Variants in R3HCC1L observed in about 807,000 individuals in gnomAD.
R3HCC1L encodes R3H domain and coiled-coil containing 1 like.
Under a neutral mutation model 59.9 loss-of-function variants are expected in R3HCC1L, and 51 were observed. The ratio of observed to expected loss-of-function variants is 0.85; its 90% CI spans 0.68 to 1.07. The LOEUF is 1.07. Ranked by LOEUF, R3HCC1L falls within the 50% of genes least tolerant of loss-of-function variation. The pLI is 0.00. For synonymous variants in R3HCC1L, 322 were observed against 315.2 expected (o/e 1.02, Z -0.23); for missense variants, 965 against 933.0 (o/e 1.03, Z -0.45).
chr10:98,208,066 T>A (rs1275905250), intron 4 of R3HCC1L, 35 bp from the exon 5 acceptor site: 1 of 1,532,386 alleles, frequency 6.5e-7, no homozygotes, highest in East Asian at 2.3e-5. Flanking sequence ...ACATTGTAAT[T>A]AGTGTCTAAT....
intron 1 of R3HCC1L, among the ~76,000 whole-genome samples, chr10:98,145,677 C>T (rs1353658576): frequency 2.0e-5 from 3 of 152,168 alleles, no homozygotes; most frequent in Admixed American, 6.5e-5. Context: ...TCTCGCTGGG[C>T]GCGGTGGCCC....
chr10:98,240,656 C>A (rs1037260952), intron 9 of R3HCC1L, among the ~76,000 whole-genome samples: 4 of 152,330 alleles, frequency 2.6e-5, no homozygotes, highest in Admixed American at 6.5e-5. Context: ...AATCACAGTT[C>A]ATACCTTCTG....
intron 5 of R3HCC1L, among the ~76,000 whole-genome samples, chr10:98,230,055 G>C (rs558412271): frequency 6.6e-6 from 1 of 152,046 alleles, no homozygotes; most frequent in East Asian, 1.9e-4. Flanking sequence ...TTTTTGTTGT[G>C]TCTCTGCCAG....
intron 5 of R3HCC1L, among the ~76,000 whole-genome samples, chr10:98,218,946 C>CT (rs1854547292): frequency 2.0e-5 from 3 of 152,114 alleles, no homozygotes; most frequent in African/African-American, 7.2e-5. Context: ...TTTGGAAACT[C>CT]TGTCTCCCAG....
chr10:98,154,892 T>C (rs1846684245), intron 1 of R3HCC1L, among the ~76,000 whole-genome samples: 1 of 152,222 alleles, frequency 6.6e-6, no homozygotes, highest in African/African-American at 2.4e-5. Context: ...CCTTGCTTAA[T>C]TAGGATTATC....
chr10:98,171,356 G>T (rs550061174), intron 4 of R3HCC1L, among the ~76,000 whole-genome samples: 1 of 152,278 alleles, frequency 6.6e-6, no homozygotes, highest in South Asian at 2.1e-4. Context: ...GAAGGGCAGT[G>T]CTATTCTTAA....
chr10:98,233,846 T>C (rs1036918284), intron 6 of R3HCC1L, among the ~76,000 whole-genome samples: 2 of 152,164 alleles, frequency 1.3e-5, no homozygotes, highest in African/African-American at 4.8e-5. Flanking sequence ...TCTTTCTAAT[T>C]TTTTCTTATT....
chr10:98,139,100 C>A (rs1394459551), intron 1 of R3HCC1L, among the ~76,000 whole-genome samples: 1 of 152,100 alleles, frequency 6.6e-6, no homozygotes, highest in African/African-American at 2.4e-5. Flanking sequence ...TAGAAACACA[C>A]AGCAAAGCTA....
chr10:98,162,672 TTGTGTGTGTG>T (rs138697556), intron 2 of R3HCC1L, among the ~76,000 whole-genome samples: 5 of 148,030 alleles, frequency 3.4e-5, no homozygotes, highest in Non-Finnish European at 7.5e-5. Context: ...GTGTGTGTGT[TTGTGTGTGTG>T]TGTGTGTGTG....
At chr10:98,172,281 C>A (rs1343617629) in intron 4 of R3HCC1L, among the ~76,000 whole-genome samples, 1 of 152,174 alleles carries the variant, frequency 6.6e-6, no homozygotes, top group Non-Finnish European at 1.5e-5. Flanking sequence ...GGCAAACTAG[C>A]TTTTCAAGTA....
At chr10:98,230,479 A>T (rs981026814) in intron 5 of R3HCC1L, among the ~76,000 whole-genome samples, 6 of 151,738 alleles carry the variant, frequency 4.0e-5, no homozygotes, top group Admixed American at 1.3e-4. Flanking sequence ...CTTCTTTGTT[A>T]ATCTTGCTAG....
intron 1 of R3HCC1L, among the ~76,000 whole-genome samples, chr10:98,153,617 A>T (rs1846508298): frequency 6.6e-6 from 1 of 150,710 alleles, no homozygotes; most frequent in Admixed American, 6.6e-5. Flanking sequence ...ATTAAAAAAA[A>T]AAAAAAAAAA....
At chr10:98,152,945 T>TGG (rs546057764) in intron 1 of R3HCC1L, among the ~76,000 whole-genome samples, 7 of 143,764 alleles carry the variant, frequency 4.9e-5, no homozygotes, top group African/African-American at 1.8e-4. Flanking sequence ...GGGAGAGAGG[T>TGG]GGGGGGTCAG....
At chr10:98,148,330 A>G (rs1414753017) in intron 1 of R3HCC1L, among the ~76,000 whole-genome samples, 2 of 152,138 alleles carry the variant, frequency 1.3e-5, no homozygotes, top group South Asian at 2.1e-4. Flanking sequence ...TTTTGTCTGT[A>G]AAGAGGGACA....
chr10:98,186,914 A>C (rs554361413), intron 4 of R3HCC1L, among the ~76,000 whole-genome samples: 37 of 152,240 alleles, frequency 2.4e-4, no homozygotes, highest in African/African-American at 8.9e-4. Context: ...GTATTAGTCA[A>C]AGCTGGGTGT....
At chr10:98,225,529 C>G (rs1246961681) in intron 5 of R3HCC1L, among the ~76,000 whole-genome samples, 3 of 152,096 alleles carry the variant, frequency 2.0e-5, no homozygotes, top group Non-Finnish European at 4.4e-5. Flanking sequence ...ATATCAGTAC[C>G]CTGGGGGAAA....
intron 9 of R3HCC1L, 34 bp downstream of exon 9, chr10:98,236,198 C>A: frequency 3.1e-6 from 5 of 1,607,232 alleles, no homozygotes; most frequent in Non-Finnish European, 4.2e-6. Context: ...TCTCTAGGCC[C>A]TTCAGAACTC....
chr10:98,158,289 C>T (rs757975392), intron 2 of R3HCC1L, among the ~76,000 whole-genome samples: 4 of 152,116 alleles, frequency 2.6e-5, no homozygotes, highest in Middle Eastern at 3.4e-3. Context: ...GCTCTTGAGT[C>T]GAGAATTTTT....
intron 4 of R3HCC1L, among the ~76,000 whole-genome samples, chr10:98,165,238 C>G (rs1229904344): frequency 6.6e-6 from 1 of 152,184 alleles, no homozygotes; most frequent in Non-Finnish European, 1.5e-5. Flanking sequence ...CACTTCCAGC[C>G]TGGGCGACAG....
Sources: allele counts gnomAD v4.1 joint callset (sites outside exome capture counted in the v4.1 genomes callset), GRCh38; gene constraint gnomAD v4.1.1; transcripts MANE v1.5; gene names NCBI Gene and HGNC (gene_info 2026-07-23, HGNC 2026-07-21).